The following DNAH8 variants were observed in gnomAD, a reference collection of about 807,000 sequenced individuals.
The protein encoded by DNAH8 is dynein axonemal heavy chain 8, also known as axonemal beta dynein heavy chain 8.
In DNAH8, 382 loss-of-function variants were observed where a neutral mutation model predicts 562.1. That is an observed-to-expected ratio of 0.68 (90% confidence interval 0.63 to 0.74). The LOEUF is 0.74. Among genes scored for constraint, DNAH8 ranks in the 30% least tolerant of loss-of-function variants. The probability of loss-of-function intolerance (pLI) is 0.00; values close to 1 mark genes in which losing one functional copy is unlikely to be tolerated. For missense variants in DNAH8, 5,203 were observed against 5,620.4 expected, an observed-to-expected ratio of 0.93 and a Z score of 2.37; for synonymous variants, 1,881 against 1,919.4, an observed-to-expected ratio of 0.98 and a Z score of 0.52.
chr6:38,747,384 CTTTTTTTTTTT>C (rs55729629), intron 8 of DNAH8, among the ~76,000 whole-genome samples: 1 of 113,778 alleles, frequency 8.8e-6, no homozygotes. Flanking sequence ...TTTTCTTTTT[CTTTTTTTTTTT>C]TTTTTTTTTG....
At chr6:38,900,678 C>T (rs1561837676) in intron 62 of DNAH8, among the ~76,000 whole-genome samples, 1 of 151,780 alleles carries the variant, frequency 6.6e-6, no homozygotes, top group Non-Finnish European at 1.5e-5. Flanking sequence ...AGTGCAATGG[C>T]ATGATCTCTG....
intron 9 of DNAH8, among the ~76,000 whole-genome samples, chr6:38,753,326 A>G (rs367910769): frequency 2.6e-5 from 4 of 152,230 alleles, no homozygotes; most frequent in Non-Finnish European, 4.4e-5. Flanking sequence ...TTAATTCCCC[A>G]ACTTTACAAT....
intron 91 of DNAH8, 100 bp from the exon 92 acceptor site, chr6:39,026,446 G>C: frequency 8.0e-7 from 1 of 1,250,310 alleles, no homozygotes; most frequent in Non-Finnish European, 1.1e-6. Flanking sequence ...TGGATGTGTA[G>C]TTTGGAGATT....
chr6:38,865,436 G>A (rs1193029708), intron 45 of DNAH8, among the ~76,000 whole-genome samples: 1 of 152,146 alleles, frequency 6.6e-6, no homozygotes, highest in Non-Finnish European at 1.5e-5. Flanking sequence ...ATTGGAAATA[G>A]CAATTAGATA....
At chr6:38,719,444 C>A (rs887025789) in intron 1 of DNAH8, among the ~76,000 whole-genome samples, 9 of 151,964 alleles carry the variant, frequency 5.9e-5, no homozygotes, top group African/African-American at 1.9e-4. Flanking sequence ...TCCATGTATC[C>A]CCAGTGTTTA....
intron 76 of DNAH8, among the ~76,000 whole-genome samples, 190 bp downstream of exon 76, chr6:38,932,183 A>AACACACACACACACACACACACAC (rs70981599): frequency 5.7e-5 from 8 of 139,870 alleles, no homozygotes; most frequent in Non-Finnish European, 9.3e-5. Flanking sequence ...TCCAGCCTGA[A>AACACACACACACACACACACACAC]ACACACACAC....
intron 44 of DNAH8, among the ~76,000 whole-genome samples, chr6:38,862,990 T>A (rs947827909): frequency 2.0e-5 from 3 of 152,200 alleles, no homozygotes; most frequent in Admixed American, 2.0e-4. Flanking sequence ...CTTGGTGATC[T>A]TATGTAGGTC....
At chr6:38,715,954 A>ATTTTTTTTTTTTTTTTTTT (rs1410399802) in intron 1 of DNAH8, among the ~76,000 whole-genome samples, 1 of 37,544 alleles carries the variant, frequency 2.7e-5, no homozygotes, top group African/African-American at 1.7e-4. Flanking sequence ...ATATATATAT[A>ATTTTTTTTTTTTTTTTTTT]TATATATTTT....
At position 38,807,133 on chromosome 6, in the gene DNAH8, C is replaced by T. The variant is rs191851292; in HGVS notation, c.3151-477C>T. Among the ~76,000 whole-genome samples the T allele has an allele frequency of 1.6e-3, 236 of 152,240 alleles. 2 individuals are homozygous for T. Among genetic ancestry groups the T allele is most frequent in the East Asian group, 2.7e-3 (14 of 5,184 alleles). ...GAAGGGTGTGGAGAGAGGGTCAAACCGCTGTCCCAGAGGGTGGAATTTTCA... is the reference window on the plus strand; with the variant it reads ...GAAGGGTGTGGAGAGAGGGTCAAACTGCTGTCCCAGAGGGTGGAATTTTCA... On this transcript the variant is annotated intron_variant, in intron 23 of 92. Transcript: ENST00000327475.
At chr6:38,935,304 T>C (rs889778081) in intron 76 of DNAH8, among the ~76,000 whole-genome samples, 1 of 152,216 alleles carries the variant, frequency 6.6e-6, no homozygotes, top group Non-Finnish European at 1.5e-5. Context: ...AACTTAAAGC[T>C]GGCAAGAGAG....
At chr6:38,884,115 C>A in intron 56 of DNAH8, 117 bp downstream of exon 56, 1 of 577,590 alleles carries the variant, frequency 1.7e-6, no homozygotes, top group Non-Finnish European at 2.4e-6. Context: ...AGTCTACTGC[C>A]AATCCTCAGT....
chr6:38,944,796 T>A lies in DNAH8; in HGVS notation c.12008-671T>A, dbSNP rs148333447. Among the ~76,000 whole-genome samples the A allele has an allele frequency of 2.9e-3, 441 of 152,316 alleles. 4 individuals are homozygous for A. The highest frequency in any genetic ancestry group is 0.01 in the African/African-American group (422 of 41,560). On this transcript the variant is annotated intron_variant, in intron 79 of 92. Coordinates refer to ENST00000327475, the MANE Select transcript of DNAH8 (RefSeq NM_001206927.2). ...TGTCAAACACCTGGAGGGCGCTCAA[T>A]AAATATTTGTTCAATCAATGAATGG...
At chr6:38,987,400 T>C (rs1764475675) in intron 87 of DNAH8, among the ~76,000 whole-genome samples, 1 of 152,146 alleles carries the variant, frequency 6.6e-6, no homozygotes, top group Non-Finnish European at 1.5e-5. Context: ...AAACCCAAGA[T>C]TCTCTGTCCT....
intron 42 of DNAH8, among the ~76,000 whole-genome samples, chr6:38,858,870 C>T (rs116100144): frequency 1.8e-4 from 27 of 152,238 alleles, no homozygotes; most frequent in Non-Finnish European, 3.2e-4. Flanking sequence ...TGTCAGCATA[C>T]GTTTGAGGAT....
chr6:39,005,929 G>A (rs557724982), intron 88 of DNAH8, among the ~76,000 whole-genome samples: 2 of 152,348 alleles, frequency 1.3e-5, no homozygotes, highest in African/African-American at 4.8e-5. Context: ...TCCAAGGGCG[G>A]GAGGGATTTG....
chr6:38,896,211 A>G lies in DNAH8; in HGVS notation c.8926A>G (p.Lys2976Glu), dbSNP rs753591098. 1 of 1,613,056 alleles carries G rather than the reference A, an allele frequency of 6.2e-7. No homozygotes were observed. The highest frequency in any genetic ancestry group is 1.7e-5 in the Admixed American group (1 of 59,880). ...TGAAGACTCTGTGTTTGAAGTACCC[A>G]AAATATATGAATTGGTATTTATTTT... Reference protein sequence around the residue: ...EPEDSVFEVPKIYELMPSFDF... With the variant: ...EPEDSVFEVPEIYELMPSFDF... The change falls in exon 60 of 93, where the codon AAA (lysine) becomes GAA (glutamate). Residue 2976 changes from lysine to glutamate, a missense_variant. Around this residue, in one of 6 missense-constraint regions of DNAH8, gnomAD observed 977 missense variants for 1,061.8 expected, o/e 0.92. Transcript: ENST00000327475.
intron 37 of DNAH8, 26 bp from the exon 38 acceptor site, chr6:38,850,225 T>A (rs572751214): frequency 9.5e-5 from 153 of 1,604,476 alleles, no homozygotes; most frequent in Non-Finnish European, 1.3e-4. Context: ...AATGCTAATC[T>A]TTACTGGCTA....
At chr6:39,029,612 C>T (rs1345239301) in intron 92 of DNAH8, among the ~76,000 whole-genome samples, 4 of 152,216 alleles carry the variant, frequency 2.6e-5, no homozygotes, top group Non-Finnish European at 4.4e-5. Context: ...TGCCTGGCCT[C>T]TGGGGGCGCT....
At chr6:39,012,931 G>A (rs542913637) in intron 91 of DNAH8, among the ~76,000 whole-genome samples, 1 of 152,296 alleles carries the variant, frequency 6.6e-6, no homozygotes, top group South Asian at 2.1e-4. Flanking sequence ...AGAGTAAAAA[G>A]AAGTTTCTCT....
Sources: gnomAD v4.1 joint callset for allele counts (sites outside exome capture counted in the v4.1 genomes callset) on GRCh38, gnomAD v4.1.1 for gene constraint, gnomAD v4.1.1 regional missense constraint, MANE v1.5 for transcripts, NCBI Gene and HGNC (gene_info 2026-07-23, HGNC 2026-07-21) for gene names.